CEP131: variants seen among roughly 807,000 people sequenced by gnomAD.
CEP131 encodes the protein centrosomal protein 131, also known as centrosomal protein of 131 kDa.
A neutral mutation model predicts 136.8 loss-of-function variants in CEP131; 99 were observed. That is an observed-to-expected ratio of 0.72 (90% CI 0.62 to 0.86). The LOEUF (loss-of-function observed/expected upper bound fraction) is 0.86, where lower values mean the gene tolerates loss of function less well. CEP131 is among the 40% of genes least tolerant of loss of function. The pLI is 0.00. For missense variants in CEP131, 1,459 were observed against 1,463.0 expected (o/e 1.00, Z 0.04); for synonymous variants, 646 against 612.7 (o/e 1.05, Z -0.80).
At chr17:81,194,837 C>T (rs1386419316) in intron 17 of CEP131, 33 bp downstream of exon 17, 53 of 1,577,224 alleles carry the variant, frequency 3.4e-5, no homozygotes, top group African/African-American at 1.6e-4. Context: ...ACCCACCCCA[C>T]ACCTGGCCGG....
rs142714736 is a variant in CEP131 at position 81,192,379 on chromosome 17, G to A, written c.2561C>T (p.Thr854Ile). 2.5e-5 allele frequency: 40 copies of A among 1,603,760 alleles called. No homozygotes were observed. The African/African-American group carries it at 4.7e-4, about 19-fold the overall frequency. The change falls in exon 21 of 26, where the codon ACC (threonine) becomes ATC (isoleucine). Residue 854 changes from threonine to isoleucine, a missense_variant. This residue lies in a region of CEP131 where 1,026 missense variants were observed against 964.2 expected (regional missense o/e 1.06). Coordinates refer to ENST00000450824, the MANE Select transcript of CEP131 (RefSeq NM_014984.4). ...CTCCAGCTCCAGCTGCTGCTTCAGG[G>A]TATTCAGCTCCATCTGGGGGGCGGA... is the stretch of plus-strand genomic sequence containing the variant. ...QERRHQMELN[T>I]LKQQLELERQ...
rs1363795680 is a variant in CEP131 at position 81,192,489 on chromosome 17, T to A, written c.2534A>T (p.Glu845Val). 4 of 1,611,730 alleles carry A rather than the reference T, an allele frequency of 2.5e-6. No individual in the cohort carries two copies. The highest frequency in any genetic ancestry group is 3.4e-6 in the Non-Finnish European group (4 of 1,179,772). Reference sequence around the variant, plus strand: ...CCGGTGGTAGACCTGGTGCCGGCGCTCCTGCTCCTCCCTGCCCTTCTCAAA... The same window carrying A: ...CCGGTGGTAGACCTGGTGCCGGCGCACCTGCTCCTCCCTGCCCTTCTCAAA... Reference protein sequence around the residue: ...AEFEKGREEQERRHQMELNTL... With the variant: ...AEFEKGREEQVRRHQMELNTL... Residue 845 changes from glutamate (E) to valine (V), a missense_variant, in exon 20 of 26, where the codon GAG becomes GTG. Physicochemically the swap from Glu to Val is moderately radical, Grantham distance 121. Coordinates refer to ENST00000450824, the MANE Select transcript of CEP131 (RefSeq NM_014984.4).
At chr17:81,207,290 C>G in intron 3 of CEP131, 51 bp from the exon 4 acceptor site, 1 of 1,547,676 alleles carries the variant, frequency 6.5e-7, no homozygotes, top group South Asian at 1.1e-5. Context: ...AGCCGGGAAG[C>G]CGACGCTAGG....
rs79025203 is a variant in CEP131 at position 81,214,176 on chromosome 17, G to C, written c.178-5154C>G. Among the ~76,000 whole-genome samples, 415 of 152,356 alleles carry C rather than the reference G, an allele frequency of 2.7e-3. 2 individuals carry two copies. The highest frequency in any genetic ancestry group is 9.4e-3 in the African/African-American group (392 of 41,582). ...CATAATGTAAGATATTCAAATAGCA[G>C]AGACTGGGTGCGGTACAGGGGAACA... On this transcript the variant is annotated intron_variant, in intron 2 of 25. Transcript: ENST00000450824.
chr17:81,219,301 T>C lies in CEP131; in HGVS notation c.177+579A>G, dbSNP rs2062331163. Among the ~76,000 whole-genome samples the C allele has an allele frequency of 6.7e-6, 1 of 149,338 alleles. No individual in the cohort carries two copies. The highest frequency in any genetic ancestry group is 2.5e-5 in the African/African-American group (1 of 40,782). ...CAGGTCAACCCCATTTCTTTCTTTT[T>C]TTTTTTTTTTTGAGATGGCATCTCA... is the stretch of plus-strand genomic sequence containing the variant. On this transcript the variant is annotated intron_variant, in intron 2 of 25. Coordinates refer to ENST00000450824, the MANE Select transcript of CEP131 (RefSeq NM_014984.4). The surrounding 1 kb of genome is among the most constrained non-coding windows in gnomAD (Gnocchi z 4.0).
At chr17:81,192,438 C>T in intron 20 of CEP131, 38 bp downstream of exon 20, 1 of 1,611,850 alleles carries the variant, frequency 6.2e-7, no homozygotes, top group Non-Finnish European at 8.5e-7. Flanking sequence ...CCCGTGCAGC[C>T]CCCTGGCCAG....
intron 18 of CEP131, among the ~76,000 whole-genome samples, chr17:81,193,128 C>T (rs2061680264): frequency 6.6e-6 from 1 of 152,244 alleles, no homozygotes. Flanking sequence ...CCCCCTTTTC[C>T]CTCAGCCCGT....
Position 81,199,534 on chromosome 17 carries a change from G to A in CEP131, c.1039C>T (p.Arg347Ter), listed in dbSNP as rs764015803. 5.6e-6 allele frequency: 9 copies of A among 1,606,668 alleles called. No individual in the cohort carries two copies. The highest frequency in any genetic ancestry group is 1.3e-5 in the African/African-American group (1 of 74,812). The change falls in exon 10 of 26, where the codon CGA becomes TGA. Residue 347 changes from arginine (R) to a stop codon, truncating the protein, a stop_gained. Coordinates refer to ENST00000450824, the MANE Select transcript of CEP131 (RefSeq NM_014984.4). LOFTEE classifies it high-confidence loss of function. ...RAAIQELQQKRALRAQKASTA... is the reference protein window; with the variant it reads ...RAAIQELQQK ...CTCGCCTTCTGGGCTCTCAGGGCTC[G>A]TTTCTGTTGCAGCTCCTGCAGTGGG...
chr17:81,214,111 T>C (rs2062191447), intron 2 of CEP131, among the ~76,000 whole-genome samples: 1 of 151,502 alleles, frequency 6.6e-6, no homozygotes, highest in Non-Finnish European at 1.5e-5. Flanking sequence ...CTTTAGTCAG[T>C]GATTTACCAA....
At chr17:81,207,431 G>T (rs2062031747) in intron 3 of CEP131, among the ~76,000 whole-genome samples, 192 bp from the exon 4 acceptor site, 1 of 152,200 alleles carries the variant, frequency 6.6e-6, no homozygotes. Context: ...GGCGTTCAGG[G>T]TGAGCTTCCA....
intron 2 of CEP131, among the ~76,000 whole-genome samples, chr17:81,210,587 C>G (rs2062110795): frequency 6.6e-6 from 1 of 150,554 alleles, no homozygotes; most frequent in African/African-American, 2.4e-5. Flanking sequence ...AACAAAAAAC[C>G]CTCCAAATCA....
At position 81,202,296 on chromosome 17, in the gene CEP131, A is replaced by G; in HGVS notation, c.732T>C (p.Thr244=). 8 of 1,590,364 alleles carry G rather than the reference A, an allele frequency of 5.0e-6. No individual in the cohort carries two copies. Among genetic ancestry groups the G allele is most frequent in the Non-Finnish European group, 6.9e-6 (8 of 1,166,724 alleles). ...GCCTGGGCAAGCCCGTGCTGCCCCC[A>G]GTATTGTTCCGGGCTGAGTGGGTGG... ...SSATHSARNN[T]GGSTGLPRRK... is the part of the protein sequence containing the mutation. The change falls in exon 7 of 26, where the codon ACT becomes ACC. Residue 244 remains threonine (T), a synonymous_variant. Coordinates refer to ENST00000450824, the MANE Select transcript of CEP131 (RefSeq NM_014984.4).
Position 81,193,952 on chromosome 17 carries a change from C to T in CEP131, c.2295G>A (p.Gln765=). 1 of 1,541,842 alleles carries T rather than the reference C, an allele frequency of 6.5e-7. No homozygotes were observed. Among genetic ancestry groups the T allele is most frequent in the Non-Finnish European group, 8.8e-7 (1 of 1,142,856 alleles). Residue 765 remains glutamine, a synonymous_variant, in exon 18 of 26, where the codon CAG becomes CAA. Transcript: ENST00000450824. ...GCTGCCGAGCACGTTCGCGCTCCTG[C>T]TGGCCCAGCGCCTCCTTCTCCCGCT... is the stretch of plus-strand genomic sequence containing the variant. ...QLEREKEALG[Q]QERERARQRF... is the part of the protein sequence containing the mutation.
At position 81,204,757 on chromosome 17, in the gene CEP131, CACACCT is replaced by C. The variant is rs1458657784; in HGVS notation, c.516-1156_516-1151del. Among the ~76,000 whole-genome samples, 503 of 151,840 alleles carry C rather than the reference CACACCT, an allele frequency of 3.3e-3. 2 individuals are homozygous for C. Among genetic ancestry groups the C allele is most frequent in the African/African-American group, 0.011 (468 of 41,398 alleles). On this transcript the variant is annotated intron_variant, in intron 5 of 25. Transcript: ENST00000450824. ...GCACCGGACCACACCTGCACCGGAC[CACACCT>C]GCACCGGACCGCACCAGGCACCAGC...
At chr17:81,193,858 C>A (rs952723851) in intron 18 of CEP131, 68 bp downstream of exon 18, 3 of 1,491,392 alleles carry the variant, frequency 2.0e-6, no homozygotes, top group Non-Finnish European at 2.7e-6. Flanking sequence ...AACTCCACTC[C>A]AGCCTTCGAG....
chr17:81,190,877 C>T (rs1598261333), intron 23 of CEP131, 30 bp downstream of exon 23: 1 of 1,594,144 alleles, frequency 6.3e-7, no homozygotes, highest in East Asian at 2.2e-5. Flanking sequence ...CTGTGGGTGC[C>T]CACTGCCCAC....
At chr17:81,213,837 T>A (rs2062186666) in intron 2 of CEP131, among the ~76,000 whole-genome samples, 1 of 152,018 alleles carries the variant, frequency 6.6e-6, no homozygotes, top group Admixed American at 6.6e-5. Flanking sequence ...CAGGATGGGG[T>A]GAGAAGAGTA....
chr17:81,220,143 C>T (rs1286662473), intron 1 of CEP131, 70 bp from the exon 2 acceptor site: 1 of 1,279,864 alleles, frequency 7.8e-7, no homozygotes, highest in African/African-American at 1.5e-5. Context: ...CCACCATCTC[C>T]AGCCCAGCCT....
Position 81,207,180 on chromosome 17 carries a change from C to A in CEP131, c.332G>T (p.Arg111Met). The change falls in exon 4 of 26, where the codon AGG (arginine) becomes ATG (methionine). Residue 111 changes from arginine (R) to methionine (M), a missense_variant. Transcript: ENST00000450824. Reference protein sequence around the residue: ...LFEGSPSGKKRPASLSTAPSE... With the variant: ...LFEGSPSGKKMPASLSTAPSE... The stretch of plus-strand genomic sequence containing the variant: ...GGGGGCTGTGCTCAGGCTGGCAGGC[C>A]TCTTTTTCCCACTGGGGCTGCCCTC... The A allele has an allele frequency of 6.2e-7, 1 of 1,613,694 alleles. No individual in the cohort carries two copies. Among genetic ancestry groups the A allele is most frequent in the Non-Finnish European group, 8.5e-7 (1 of 1,179,928 alleles).
Sources: allele counts gnomAD v4.1 joint callset (sites outside exome capture counted in the v4.1 genomes callset), GRCh38; gene constraint gnomAD v4.1.1; regional missense constraint gnomAD v4.1.1; non-coding constraint Gnocchi (gnomAD v3.1); transcripts MANE v1.5; gene names NCBI Gene and HGNC (gene_info 2026-07-23, HGNC 2026-07-21).